SLC25A21: variants seen among roughly 807,000 people sequenced by gnomAD.
The protein encoded by SLC25A21 is solute carrier family 25 member 21.
A neutral mutation model predicts 43.8 loss-of-function variants in SLC25A21; 47 were observed. The ratio of observed to expected loss-of-function variants is 1.07; its 90% CI spans 0.85 to 1.37. The LOEUF (loss-of-function observed/expected upper bound fraction) is 1.37, where lower values mean the gene tolerates loss of function less well. SLC25A21 is among the 40% of genes most tolerant of loss of function. The probability of loss-of-function intolerance (pLI) is 0.00; values close to 1 mark genes in which losing one functional copy is unlikely to be tolerated. For missense variants in SLC25A21, 352 were observed against 350.2 expected (o/e 1.00, Z -0.04); for synonymous variants, 131 against 121.3 (o/e 1.08, Z -0.52).
chr14:36,871,475 T>C (rs1050983529), intron 2 of SLC25A21, among the ~76,000 whole-genome samples: 23 of 152,344 alleles, frequency 1.5e-4, no homozygotes, highest in African/African-American at 5.3e-4. Flanking sequence ...GTATCAGACA[T>C]GAAATCCTTG....
chr14:36,947,501 A>G (rs913298736), intron 1 of SLC25A21, among the ~76,000 whole-genome samples: 1 of 152,158 alleles, frequency 6.6e-6, no homozygotes, highest in African/African-American at 2.4e-5. Flanking sequence ...TTTATTATCC[A>G]GCAAAGAAAG....
intron 1 of SLC25A21, among the ~76,000 whole-genome samples, chr14:37,155,613 C>A (rs1171796762): frequency 6.6e-6 from 1 of 152,042 alleles, no homozygotes; most frequent in African/African-American, 2.4e-5. Context: ...ACCTTATAGG[C>A]CAGAAGAGAA....
At chr14:36,751,037 C>G (rs1885689473) in intron 3 of SLC25A21, among the ~76,000 whole-genome samples, 1 of 152,172 alleles carries the variant, frequency 6.6e-6, no homozygotes, top group South Asian at 2.1e-4. Flanking sequence ...CTTTGTTCCT[C>G]TGAGGGCTAT....
chr14:37,094,885 A>T (rs1450580883), intron 1 of SLC25A21, among the ~76,000 whole-genome samples: 1 of 152,170 alleles, frequency 6.6e-6, no homozygotes, highest in African/African-American at 2.4e-5. Context: ...CACAACACCT[A>T]TTGTACAACA....
intron 3 of SLC25A21, among the ~76,000 whole-genome samples, chr14:36,798,504 T>C (rs1302873435): frequency 2.6e-5 from 4 of 152,056 alleles, no homozygotes; most frequent in Admixed American, 2.6e-4. Context: ...TCATTTTTGC[T>C]CATACAGTCG....
At chr14:36,809,176 T>C (rs1888147507) in intron 3 of SLC25A21, 1 of 152,178 alleles carries the variant, frequency 6.6e-6, no homozygotes, top group African/African-American at 2.4e-5. Flanking sequence ...AGGCTGTATC[T>C]TTATGTCTTC....
chr14:37,137,582 T>C (rs1963503845), intron 1 of SLC25A21, among the ~76,000 whole-genome samples: 1 of 152,220 alleles, frequency 6.6e-6, no homozygotes, highest in Non-Finnish European at 1.5e-5. Context: ...CCTCCGTTAG[T>C]AGCTGTCAAA....
At chr14:37,033,609 A>G (rs1201330642) in intron 1 of SLC25A21, among the ~76,000 whole-genome samples, 2 of 152,158 alleles carry the variant, frequency 1.3e-5, no homozygotes, top group South Asian at 4.1e-4. Flanking sequence ...AAGAGATTAC[A>G]TTTGTTATTT....
chr14:36,891,408 T>C (rs75408417), intron 1 of SLC25A21, among the ~76,000 whole-genome samples: 266 of 152,264 alleles, frequency 1.7e-3, no homozygotes, highest in African/African-American at 6.1e-3. Flanking sequence ...AGTGACTGGA[T>C]TTAGCTACCA....
chr14:36,800,690 G>C (rs1186615858), intron 3 of SLC25A21, among the ~76,000 whole-genome samples: 2 of 151,828 alleles, frequency 1.3e-5, no homozygotes, highest in African/African-American at 4.8e-5. Flanking sequence ...CTTTACTTAG[G>C]GCCACTGAAC....
chr14:37,058,828 C>A (rs1213386944), intron 1 of SLC25A21, among the ~76,000 whole-genome samples: 1 of 152,092 alleles, frequency 6.6e-6, no homozygotes, highest in Admixed American at 6.5e-5. Flanking sequence ...CAAAGTGGCA[C>A]CATGGTTGGT....
rs1209369589 is a variant in SLC25A21 at position 37,172,399 on chromosome 14, C to T, written c.-49G>A. ...GAGTGGGCTGAGATGCGTCAACGAG[C>T]TCGCAGCCTGCACAGCCTACTGATC... On this transcript the variant is annotated 5_prime_UTR_variant, in exon 1 of 10. Coordinates refer to ENST00000331299, the MANE Select transcript of SLC25A21 (RefSeq NM_030631.4). The T allele has an allele frequency of 3.9e-6, 6 of 1,538,354 alleles. No homozygotes were observed. The highest frequency in any genetic ancestry group is 5.3e-6 in the Non-Finnish European group (6 of 1,131,438).
intron 6 of SLC25A21, among the ~76,000 whole-genome samples, chr14:36,721,159 C>A (rs1485403093): frequency 6.6e-6 from 1 of 152,148 alleles, no homozygotes; most frequent in East Asian, 1.9e-4. Flanking sequence ...CATGTTAAGA[C>A]CTTTGCATAT....
chr14:36,837,479 C>T (rs1011968945), intron 2 of SLC25A21, among the ~76,000 whole-genome samples: 6 of 151,948 alleles, frequency 3.9e-5, no homozygotes, highest in African/African-American at 1.5e-4. Context: ...GAGAGGAAGG[C>T]CAGGGGAGGA....
intron 1 of SLC25A21, among the ~76,000 whole-genome samples, chr14:37,073,126 AC>A (rs1962208091): frequency 6.6e-6 from 1 of 152,212 alleles, no homozygotes; most frequent in African/African-American, 2.4e-5. Context: ...TTTCTCAAAA[AC>A]AGAAGATGAC....
At chr14:36,715,637 A>G (rs182389495) in intron 6 of SLC25A21, among the ~76,000 whole-genome samples, 5 of 152,374 alleles carry the variant, frequency 3.3e-5, no homozygotes, top group Non-Finnish European at 7.3e-5. Context: ...GCATGGAAGA[A>G]TAAGTGGATT....
At chr14:37,082,352 C>T (rs1390428040) in intron 1 of SLC25A21, among the ~76,000 whole-genome samples, 2 of 152,130 alleles carry the variant, frequency 1.3e-5, no homozygotes, top group Non-Finnish European at 2.9e-5. Flanking sequence ...TCCCATGTAA[C>T]AAATCTGCAT....
At chr14:36,862,309 T>C (rs1442805008) in intron 2 of SLC25A21, among the ~76,000 whole-genome samples, 1 of 152,150 alleles carries the variant, frequency 6.6e-6, no homozygotes, top group Non-Finnish European at 1.5e-5. Context: ...CACATGCACA[T>C]GTATGTTTAT....
intron 1 of SLC25A21, among the ~76,000 whole-genome samples, chr14:37,003,249 A>T (rs930444569): frequency 6.6e-6 from 1 of 152,238 alleles, no homozygotes; most frequent in African/African-American, 2.4e-5. Flanking sequence ...TCCACTCTCA[A>T]AGCATCCTTT....
Sources: allele counts gnomAD v4.1 joint callset (sites outside exome capture counted in the v4.1 genomes callset), GRCh38; gene constraint gnomAD v4.1.1; transcripts MANE v1.5; gene names NCBI Gene and HGNC (gene_info 2026-07-23, HGNC 2026-07-21).